PTCD3: variants seen among roughly 807,000 people sequenced by gnomAD.
The protein encoded by PTCD3 is pentatricopeptide repeat domain 3, also known as small ribosomal subunit protein mS39.
A neutral mutation model predicts 101.9 loss-of-function variants in PTCD3; 89 were observed. The observed-to-expected ratio is 0.87, with a 90% CI of 0.74 to 1.04. The LOEUF (loss-of-function observed/expected upper bound fraction) is 1.04. Ranked by LOEUF, PTCD3 falls within the 50% of genes least tolerant of loss-of-function variation. PTCD3 has a pLI of 0.00. For synonymous variants in PTCD3, 296 were observed against 278.5 expected, an observed-to-expected ratio of 1.06 and a Z score of -0.63; for missense variants, 870 against 828.2, an observed-to-expected ratio of 1.05 and a Z score of -0.62.
intron 12 of PTCD3, among the ~76,000 whole-genome samples, chr2:86,126,372 GAAGAA>G (rs1674390216): frequency 6.6e-6 from 1 of 152,042 alleles, no homozygotes; most frequent in South Asian, 2.1e-4. Context: ...TGGCACATAA[GAAGAA>G]AAAGTTGCTT....
rs1189889538 is a variant in PTCD3 at position 86,138,884 on chromosome 2, A to C, written c.*1325A>C. Reference sequence around the variant, plus strand: ...CACCTGCAGATGCCTGACTCTTGTTAGCCTTACTATTCAATACAGTCCTTA... The same window carrying C: ...CACCTGCAGATGCCTGACTCTTGTTCGCCTTACTATTCAATACAGTCCTTA... On this transcript the variant is annotated 3_prime_UTR_variant, in exon 24 of 24. Coordinates refer to ENST00000254630, the MANE Select transcript of PTCD3 (RefSeq NM_017952.6). The C allele has an allele frequency of 6.6e-6, 1 of 152,176 alleles. No individual in the cohort carries two copies. Among genetic ancestry groups the C allele is most frequent in the Non-Finnish European group, 1.5e-5 (1 of 68,028 alleles). The allele number at this position is 152,176 out of a possible 1,614,324, so 9.4% of individuals were successfully genotyped here.
At chr2:86,133,686 G>A (rs2241436) in intron 19 of PTCD3, among the ~76,000 whole-genome samples, 109,908 of 152,122 alleles carry the variant, frequency 0.72, 42,106 homozygotes, top group Non-Finnish European at 0.84. Context: ...CACCTGTTGC[G>A]GGATATGACC....
intron 23 of PTCD3, 43 bp downstream of exon 23, chr2:86,137,183 T>C (rs1674602200): frequency 1.3e-6 from 2 of 1,516,936 alleles, no homozygotes; most frequent in African/African-American, 2.8e-5. Context: ...ATGGAGACCT[T>C]TCATCCATCT....
Position 86,123,083 on chromosome 2 carries a change from TC to T in PTCD3, c.655-615del, listed in dbSNP as rs528917902. Among the ~76,000 whole-genome samples the T allele has an allele frequency of 2.1e-4, 32 of 151,512 alleles. No individual in the cohort carries two copies. The South Asian group carries it at 6.7e-3, about 32-fold the overall frequency. On this transcript the variant is annotated intron_variant, in intron 8 of 23. Coordinates refer to ENST00000254630, the MANE Select transcript of PTCD3 (RefSeq NM_017952.6). ...GACCATCCTGGCTAACATGGTGAAA[TC>T]CCGTCCCTACTAAAAAAAATACAAA...
chr2:86,122,084 C>T (rs1674294372), intron 8 of PTCD3, among the ~76,000 whole-genome samples: 1 of 152,090 alleles, frequency 6.6e-6, no homozygotes, highest in South Asian at 2.1e-4. Flanking sequence ...TTGGATCAGT[C>T]AAATAGAGAT....
intron 3 of PTCD3, 68 bp from the exon 4 acceptor site, chr2:86,111,045 G>A (rs1350784932): frequency 1.4e-6 from 2 of 1,390,754 alleles, no homozygotes; most frequent in East Asian, 2.3e-5. Context: ...ACTGAGAGTA[G>A]AATCACTTGT....
intron 3 of PTCD3, 108 bp from the exon 4 acceptor site, chr2:86,111,005 T>C (rs1465696987): frequency 1.0e-6 from 1 of 996,266 alleles, no homozygotes; most frequent in Non-Finnish European, 1.6e-6. Flanking sequence ...CAGCTTCAGA[T>C]GAGATCTGCA....
rs1235343030 is a variant in PTCD3, at chr2:86,137,483, A to G, written c.1994A>G (p.Asn665Ser). Residue 665 changes from asparagine to serine, a missense_variant, in exon 24 of 24, where the codon AAT becomes AGT. By Grantham distance (46) the Asn-to-Ser change is conservative. Transcript: ENST00000254630. Reference sequence around the variant, plus strand: ...TTTCTTAACAGGGAAGCCCTAAGTAATCTAACTGCATTGACCAGTGACAGT... The same window carrying G: ...TTTCTTAACAGGGAAGCCCTAAGTAGTCTAACTGCATTGACCAGTGACAGT... ...INQEQKEALS[N>S]LTALTSDSDT... The G allele has an allele frequency of 6.2e-7, 1 of 1,613,708 alleles. No individual in the cohort carries two copies. The highest frequency in any genetic ancestry group is 1.3e-5 in the African/African-American group (1 of 74,854).
chr2:86,131,258 T>G lies in PTCD3; in HGVS notation c.1266+152T>G, dbSNP rs920436127. Reference sequence around the variant, plus strand: ...TCTCTAAAATCTATAATTTTTTTTTTCTTTGAGATGGAGGTTCACTGTGTC... The same window carrying G: ...TCTCTAAAATCTATAATTTTTTTTTGCTTTGAGATGGAGGTTCACTGTGTC... On this transcript the variant is annotated intron_variant, in intron 16 of 23. Coordinates refer to ENST00000254630, the MANE Select transcript of PTCD3 (RefSeq NM_017952.6). 13 of 633,358 alleles carry G rather than the reference T, an allele frequency of 2.1e-5. No homozygotes were observed. In the African/African-American group the frequency reaches 2.4e-4, roughly 11 times the overall value. The allele number at this position is 633,358 out of a possible 1,614,324, so 39.2% of individuals were successfully genotyped here.
rs1292601520 is a variant in PTCD3, at chr2:86,141,331, CAG to C, written c.*3773_*3774del. On this transcript the variant is annotated 3_prime_UTR_variant, in exon 24 of 24. Transcript: ENST00000254630. ...AGGGAAGCATAGACCTATAGTACAA[CAG>C]GGGTGTAGTGACCACTGGACCTGAT... The C allele has an allele frequency of 4.6e-5, 7 of 152,240 alleles. No homozygotes were observed. Among genetic ancestry groups the C allele is most frequent in the Non-Finnish European group, 8.8e-5 (6 of 68,068 alleles). The allele number at this position is 152,240 out of a possible 1,614,324, so 9.4% of individuals were successfully genotyped here.
intron 13 of PTCD3, chr2:86,127,529 G>A (rs1674417686): frequency 1.9e-6 from 1 of 528,664 alleles, no homozygotes; most frequent in South Asian, 2.8e-5. Flanking sequence ...TGGATCTGTT[G>A]AATCTGAGGA....
chr2:86,130,810 GCCTTGTGAT>G, intron 15 of PTCD3, 73 bp downstream of exon 15: 2 of 1,576,932 alleles, frequency 1.3e-6, no homozygotes, highest in South Asian at 2.4e-5. Context: ...CCAGTTAGAG[GCCTTGTGAT>G]CCCTATAGCT....
intron 7 of PTCD3, 148 bp from the exon 8 acceptor site, chr2:86,121,331 T>TGACGTTGAGTGCATAAAGTAGTGGAC: frequency 2.0e-6 from 1 of 492,424 alleles, no homozygotes; most frequent in Non-Finnish European, 3.6e-6. Flanking sequence ...GTGTTTAAGT[T>TGACGTTGAGTGCATAAAGTAGTGGAC]GACGTTGAGT....
Position 86,127,971 on chromosome 2 carries a change from T to A in PTCD3, c.1127T>A (p.Ile376Asn). 6.2e-7 allele frequency: 1 copy of A among 1,610,462 alleles called. No individual in the cohort carries two copies. The highest frequency in any genetic ancestry group is 8.5e-7 in the Non-Finnish European group (1 of 1,176,758). ...EPSLATYHHI[I>N]RLFDQPGDPL... is the part of the protein sequence containing the mutation. ...TCGCTTGCAACATATCACCATATTA[T>A]TCGCCTGTTTGATCAACCTGGTATG... The change falls in exon 14 of 24, where the codon ATT (isoleucine) becomes AAT (asparagine). Residue 376 changes from isoleucine (I) to asparagine (N), a missense_variant. By Grantham distance (149) the Ile-to-Asn change is moderately radical (BLOSUM62 -3). Coordinates refer to ENST00000254630, the MANE Select transcript of PTCD3 (RefSeq NM_017952.6).
In PTCD3 at chr2:86,125,052, C is replaced by T. The variant is rs374102700; in HGVS notation, c.774C>T (p.Ser258=). 1.9e-6 allele frequency: 3 copies of T among 1,613,926 alleles called. No homozygotes were observed. Among genetic ancestry groups the T allele is most frequent in the Non-Finnish European group, 2.5e-6 (3 of 1,180,022 alleles). Residue 258 remains serine (S), a synonymous_variant, in exon 10 of 24, where the codon TCC becomes TCT. Transcript: ENST00000254630. ...FSLMPEKNEH[S]YCTMIRGMVK... is the part of the protein sequence containing the mutation. Reference sequence around the variant, plus strand: ...TAATGCCAGAGAAAAATGAACATTCCTATTGCACAATGATCCGAGGAATGG... The same window carrying T: ...TAATGCCAGAGAAAAATGAACATTCTTATTGCACAATGATCCGAGGAATGG...
chr2:86,112,389 C>T (rs1447166269), intron 4 of PTCD3, among the ~76,000 whole-genome samples: 2 of 146,650 alleles, frequency 1.4e-5, no homozygotes, highest in African/African-American at 2.5e-5. Flanking sequence ...AAATTATTGG[C>T]CAGGAGCAGT....
chr2:86,128,810 T>C (rs1490741126), intron 14 of PTCD3, among the ~76,000 whole-genome samples: 1 of 152,206 alleles, frequency 6.6e-6, no homozygotes, highest in Non-Finnish European at 1.5e-5. Context: ...AGCGACTAGA[T>C]ACCTACCTGA....
In PTCD3 at chr2:86,106,471, C is replaced by G. The variant is rs969099993; in HGVS notation, c.104+120C>G. 3.0e-6 allele frequency: 3 copies of G among 1,002,030 alleles called. 1 individual carries two copies. The highest frequency in any genetic ancestry group is 5.0e-5 in the East Asian group (2 of 40,100). The allele number at this position is 1,002,030 out of a possible 1,614,324, so 62.1% of individuals were successfully genotyped here. ...TTTGCTCATGCGCGCCCTTAACGGT[C>G]GCGTGCCCTTAAGACCAGGTACGCG... On this transcript the variant is annotated intron_variant, in intron 1 of 23. Transcript: ENST00000254630.
intron 8 of PTCD3, among the ~76,000 whole-genome samples, chr2:86,122,850 T>C (rs1460061736): frequency 3.3e-5 from 5 of 152,232 alleles, no homozygotes; most frequent in Admixed American, 6.5e-5. Context: ...GCCCCAGCTC[T>C]TGAGGCAGCA....
Sources: allele counts gnomAD v4.1 joint callset (sites outside exome capture counted in the v4.1 genomes callset), GRCh38; gene constraint gnomAD v4.1.1; transcripts MANE v1.5; gene names NCBI Gene and HGNC (gene_info 2026-07-23, HGNC 2026-07-21).